LRP1B: variants seen among roughly 807,000 people sequenced by gnomAD.
LRP1B encodes LDL receptor related protein 1B, also known as low-density lipoprotein receptor-related protein 1B.
LRP1B carries 217 observed loss-of-function variants against 556.6 expected under a neutral mutation model. The ratio of observed to expected loss-of-function variants is 0.39; its 90% CI spans 0.35 to 0.44. The LOEUF (loss-of-function observed/expected upper bound fraction) is 0.44. Ranked by LOEUF, LRP1B falls within the 20% of genes least tolerant of loss-of-function variation. The pLI, the probability that LRP1B is intolerant of heterozygous loss-of-function variation, is 1.00. For synonymous variants in LRP1B, 2,047 were observed against 1,865.8 expected, an observed-to-expected ratio of 1.10 and a Z score of -2.50; for missense variants, 5,053 against 5,620.8, an observed-to-expected ratio of 0.90 and a Z score of 3.23.
chr2:140,737,416 G>A (rs1192672518), intron 35 of LRP1B, among the ~76,000 whole-genome samples: 2 of 152,168 alleles, frequency 1.3e-5, no homozygotes, highest in Non-Finnish European at 2.9e-5. Context: ...AGACAGGAAG[G>A]TGCTACAAAA....
chr2:141,841,990 AAGTC>A (rs1376485638), intron 1 of LRP1B, among the ~76,000 whole-genome samples: 3 of 152,300 alleles, frequency 2.0e-5, no homozygotes, highest in Admixed American at 6.5e-5. Flanking sequence ...GTGAGAAAAA[AAGTC>A]AGGGTAGAAA....
intron 51 of LRP1B, among the ~76,000 whole-genome samples, chr2:140,514,105 T>C (rs1297765807): frequency 6.6e-6 from 1 of 152,024 alleles, no homozygotes; most frequent in African/African-American, 2.4e-5. Flanking sequence ...TAGTTAAGTA[T>C]AGATACGTGA....
At chr2:141,948,933 G>A (rs931075456) in intron 1 of LRP1B, among the ~76,000 whole-genome samples, 2 of 151,826 alleles carry the variant, frequency 1.3e-5, no homozygotes, top group African/African-American at 2.4e-5. Flanking sequence ...TTGATAATTG[G>A]AAAAAATAAA....
At chr2:140,989,762 A>G in intron 16 of LRP1B, 105 bp from the exon 17 acceptor site, 1 of 1,053,160 alleles carries the variant, frequency 9.5e-7, no homozygotes, top group Non-Finnish European at 1.4e-6. Flanking sequence ...TTATAGTACA[A>G]TAAATGTCAT....
At chr2:140,340,966 G>GTATC (rs1339956135) in intron 77 of LRP1B, among the ~76,000 whole-genome samples, 4 of 151,516 alleles carry the variant, frequency 2.6e-5, no homozygotes, top group Non-Finnish European at 3.0e-5. Flanking sequence ...AAGAAATTAT[G>GTATC]TATCTATCAG....
intron 2 of LRP1B, among the ~76,000 whole-genome samples, chr2:141,692,113 A>G (rs1691556349): frequency 6.6e-6 from 1 of 151,942 alleles, no homozygotes; most frequent in African/African-American, 2.4e-5. Context: ...CCTTGTTTAG[A>G]TTAATGGAAA....
chr2:141,018,385 G>A (rs1697967802), intron 12 of LRP1B, among the ~76,000 whole-genome samples: 2 of 152,184 alleles, frequency 1.3e-5, no homozygotes, highest in East Asian at 1.9e-4. Flanking sequence ...TGACAGGGAT[G>A]CAGATATTGT....
At chr2:140,712,925 T>G (rs1302540086) in intron 37 of LRP1B, among the ~76,000 whole-genome samples, 6 of 151,730 alleles carry the variant, frequency 4.0e-5, no homozygotes, top group African/African-American at 1.5e-4. Context: ...AAATGGCTGT[T>G]TTTGTTGCTG....
intron 3 of LRP1B, among the ~76,000 whole-genome samples, chr2:141,320,469 G>C (rs1020735371): frequency 6.6e-6 from 1 of 152,016 alleles, no homozygotes; most frequent in African/African-American, 2.4e-5. Flanking sequence ...AAGAAAGCGT[G>C]CTGTAAAATT....
chr2:141,242,818 A>G (rs2105319211), intron 5 of LRP1B, among the ~76,000 whole-genome samples: 1 of 152,252 alleles, frequency 6.6e-6, no homozygotes, highest in African/African-American at 2.4e-5. Context: ...TGGTTAGGAC[A>G]CTGAAAAGTA....
At chr2:141,728,779 A>C (rs1693149535) in intron 2 of LRP1B, among the ~76,000 whole-genome samples, 1 of 152,178 alleles carries the variant, frequency 6.6e-6, no homozygotes, top group Admixed American at 6.5e-5. Context: ...TTTATTCTGG[A>C]AAGACTCATA....
At chr2:140,335,872 T>G in intron 77 of LRP1B, 34 bp from the exon 78 acceptor site, 2 of 1,352,566 alleles carry the variant, frequency 1.5e-6, no homozygotes, top group Non-Finnish European at 2.1e-6. Flanking sequence ...CCACGGTATT[T>G]TCAACAGGAA....
chr2:141,954,276 A>T (rs903374681), intron 1 of LRP1B, among the ~76,000 whole-genome samples: 1 of 152,126 alleles, frequency 6.6e-6, no homozygotes, highest in Admixed American at 6.6e-5. Flanking sequence ...TTGGCTTCAC[A>T]TGAAGCTGGA....
At chr2:140,606,124 T>C (rs547337472) in intron 41 of LRP1B, among the ~76,000 whole-genome samples, 1 of 152,166 alleles carries the variant, frequency 6.6e-6, no homozygotes, top group Admixed American at 6.5e-5. Flanking sequence ...CAAGTACTGG[T>C]ATATACAAAA....
chr2:141,650,733 C>T (rs1689754073), intron 2 of LRP1B, among the ~76,000 whole-genome samples: 1 of 152,082 alleles, frequency 6.6e-6, no homozygotes, highest in Admixed American at 6.6e-5. Flanking sequence ...TGAAGAAAAA[C>T]ATCTAGTGAA....
At chr2:140,599,527 G>A (rs1682571506) in intron 42 of LRP1B, among the ~76,000 whole-genome samples, 1 of 151,954 alleles carries the variant, frequency 6.6e-6, no homozygotes, top group African/African-American at 2.4e-5. Context: ...TATTCAATAT[G>A]TGGTTTTGAG....
chr2:141,041,830 T>C (rs112579097), intron 11 of LRP1B, among the ~76,000 whole-genome samples: 1 of 152,142 alleles, frequency 6.6e-6, no homozygotes, highest in East Asian at 1.9e-4. Context: ...TGTATGTATG[T>C]ACAAATATGA....
intron 7 of LRP1B, among the ~76,000 whole-genome samples, chr2:141,126,114 C>T (rs192992212): frequency 2.0e-5 from 3 of 151,994 alleles, no homozygotes; most frequent in Admixed American, 2.0e-4. Context: ...TCACTGCAAC[C>T]TCTGCCTCCC....
intron 2 of LRP1B, among the ~76,000 whole-genome samples, chr2:141,601,202 G>GTATCTATCTATCTATCTATCTATC (rs4008441): frequency 6.7e-6 from 1 of 148,826 alleles, no homozygotes; most frequent in Non-Finnish European, 1.5e-5. Context: ...CTGTCTGTCA[G>GTATCTATCTATCTATCTATCTATC]TATCTATCTA....
Sources: gnomAD v4.1 joint callset for allele counts (sites outside exome capture counted in the v4.1 genomes callset) on GRCh38, gnomAD v4.1.1 for gene constraint, MANE v1.5 for transcripts, NCBI Gene and HGNC (gene_info 2026-07-23, HGNC 2026-07-21) for gene names.